Variants in DGKB observed in about 807,000 individuals in gnomAD.
The protein encoded by DGKB is 90 kDa diacylglycerol kinase.
DGKB carries 67 observed loss-of-function variants against 114.3 expected under a neutral mutation model. That is an observed-to-expected ratio of 0.59 (90% CI 0.48 to 0.72). DGKB has a LOEUF of 0.72. Ranked by LOEUF, DGKB falls within the 30% of genes least tolerant of loss-of-function variation. DGKB has a pLI of 0.00. For synonymous variants in DGKB, 398 were observed against 323.1 expected (o/e 1.23, Z -2.49); for missense variants, 907 against 975.2 (o/e 0.93, Z 0.93).
intron 23 of DGKB, among the ~76,000 whole-genome samples, chr7:14,218,403 A>C (rs2128318850): frequency 6.6e-6 from 1 of 152,246 alleles, no homozygotes; most frequent in South Asian, 2.1e-4. Context: ...AAAAGCATTC[A>C]ATAGTTAAAT....
chr7:14,372,513 A>C lies in DGKB; in HGVS notation c.1836-27122T>G, dbSNP rs578026557. 2.6e-5 allele frequency among the ~76,000 whole-genome samples: 4 copies of C among 152,246 alleles called. No individual in the cohort carries two copies. The South Asian group carries it at 8.3e-4, about 32-fold the overall frequency. ...CACTTGTGACAACAAGTAGCTGACA[A>C]GTGAAAGAAACACATGGCAAAGTAC... On this transcript the variant is annotated intron_variant, in intron 21 of 25. Coordinates refer to ENST00000402815, the MANE Select transcript of DGKB (RefSeq NM_001350709.2).
intron 1 of DGKB, among the ~76,000 whole-genome samples, chr7:14,852,895 CA>C (rs1849599483): frequency 6.6e-6 from 1 of 152,110 alleles, no homozygotes; most frequent in Non-Finnish European, 1.5e-5. Context: ...ACTCCTTTCC[CA>C]AGGACACTAT....
At chr7:14,693,780 T>C (rs768037829) in intron 9 of DGKB, among the ~76,000 whole-genome samples, 5 of 151,896 alleles carry the variant, frequency 3.3e-5, no homozygotes, top group Non-Finnish European at 7.4e-5. Flanking sequence ...TTAGATAATA[T>C]GAGGAGGTCA....
At chr7:14,942,520 T>C (rs2128255335) in intron 1 of DGKB, among the ~76,000 whole-genome samples, 1 of 152,148 alleles carries the variant, frequency 6.6e-6, no homozygotes, top group East Asian at 1.9e-4. Flanking sequence ...GTCTCCTCAT[T>C]TGTGGCTTAA....
chr7:14,862,384 G>A (rs183917877), intron 1 of DGKB, among the ~76,000 whole-genome samples: 257 of 152,098 alleles, frequency 1.7e-3, no homozygotes, highest in African/African-American at 5.7e-3. Context: ...TTACCATGCT[G>A]TACACTACAA....
At chr7:14,182,028 C>T (rs1782700267) in intron 23 of DGKB, among the ~76,000 whole-genome samples, 1 of 152,124 alleles carries the variant, frequency 6.6e-6, no homozygotes, top group Non-Finnish European at 1.5e-5. Flanking sequence ...TTTATTTTCA[C>T]TAACATGTAA....
intron 1 of DGKB, among the ~76,000 whole-genome samples, chr7:14,900,817 A>T (rs75466322): frequency 0.023 from 3,480 of 152,242 alleles, 143 homozygotes; most frequent in African/African-American, 0.079. Flanking sequence ...ATTTAAAAAA[A>T]TTTTGTCAAA....
intron 1 of DGKB, among the ~76,000 whole-genome samples, chr7:14,848,529 A>C (rs1848938773): frequency 6.6e-6 from 1 of 152,240 alleles, no homozygotes; most frequent in Non-Finnish European, 1.5e-5. Flanking sequence ...TTTTCTATAT[A>C]GATGATATTT....
At chr7:14,395,356 C>G (rs1049457606) in intron 21 of DGKB, among the ~76,000 whole-genome samples, 7 of 151,908 alleles carry the variant, frequency 4.6e-5, no homozygotes, top group Admixed American at 1.3e-4. Context: ...TAATCTCTTC[C>G]AAGCCATTTT....
chr7:14,392,995 G>GTTTTTGTTTTTTGTTTTTTTT, intron 21 of DGKB, among the ~76,000 whole-genome samples: 18 of 60,546 alleles, frequency 3.0e-4, no homozygotes, highest in African/African-American at 8.2e-4. Flanking sequence ...TTTTGTTTTT[G>GTTTTTGTTTTTTGTTTTTTTT]TTTTTTTTTT....
chr7:14,468,295 TTA>T (rs1780776880), intron 21 of DGKB, among the ~76,000 whole-genome samples: 2 of 152,072 alleles, frequency 1.3e-5, no homozygotes, highest in African/African-American at 4.8e-5. Flanking sequence ...CATTGTCTAA[TTA>T]GTTTAGAGGG....
intron 21 of DGKB, among the ~76,000 whole-genome samples, chr7:14,403,407 G>A (rs1214687850): frequency 6.6e-6 from 1 of 151,750 alleles, no homozygotes; most frequent in Non-Finnish European, 1.5e-5. Flanking sequence ...GCTTTCCCTA[G>A]CAAACCATAA....
chr7:14,966,753 T>G (rs996856643), intron 1 of DGKB, among the ~76,000 whole-genome samples: 4 of 152,176 alleles, frequency 2.6e-5, no homozygotes, highest in Non-Finnish European at 5.9e-5. Context: ...ATTTTTAATT[T>G]TCTTTCCTTT....
chr7:14,579,480 CAGG>C (rs990597155), intron 19 of DGKB, among the ~76,000 whole-genome samples: 9 of 152,176 alleles, frequency 5.9e-5, no homozygotes, highest in African/African-American at 2.2e-4. Flanking sequence ...ATATATGTTC[CAGG>C]AGAACATGGC....
chr7:14,799,117 T>A (rs558935595), intron 2 of DGKB, among the ~76,000 whole-genome samples: 14 of 152,302 alleles, frequency 9.2e-5, no homozygotes, highest in African/African-American at 3.4e-4. Flanking sequence ...AGGTGGTTAC[T>A]CCAATTGAAA....
Position 14,813,893 on chromosome 7 carries a change from T to A in DGKB, c.70+27301A>T, listed in dbSNP as rs566768619. Among the ~76,000 whole-genome samples, 4 of 152,324 alleles carry A rather than the reference T, an allele frequency of 2.6e-5. No individual in the cohort carries two copies. The East Asian group carries it at 7.7e-4, about 29-fold the overall frequency. Reference sequence around the variant, plus strand: ...TATTTGCTTGTGTTTTTATATTATGTGTTTGCTTTTGATGAACAATTTTGA... The same window carrying A: ...TATTTGCTTGTGTTTTTATATTATGAGTTTGCTTTTGATGAACAATTTTGA... On this transcript the variant is annotated intron_variant, in intron 2 of 25. Coordinates refer to ENST00000402815, the MANE Select transcript of DGKB (RefSeq NM_001350709.2).
At chr7:14,832,601 T>C (rs1031822075) in intron 2 of DGKB, among the ~76,000 whole-genome samples, 1 of 152,126 alleles carries the variant, frequency 6.6e-6, no homozygotes, top group African/African-American at 2.4e-5. Context: ...TTATCTCAAG[T>C]TCAATCTCAT....
chr7:14,461,506 G>T (rs950393082), intron 21 of DGKB, among the ~76,000 whole-genome samples: 2 of 152,098 alleles, frequency 1.3e-5, no homozygotes, highest in Non-Finnish European at 2.9e-5. Context: ...AAATCTAGAA[G>T]AAACGGATAA....
At chr7:14,443,712 T>C (rs1830370560) in intron 21 of DGKB, among the ~76,000 whole-genome samples, 2 of 152,116 alleles carry the variant, frequency 1.3e-5, no homozygotes, top group Non-Finnish European at 2.9e-5. Context: ...GTAGCTTTAC[T>C]AAGACAAATT....
Sources: allele counts gnomAD v4.1 joint callset (sites outside exome capture counted in the v4.1 genomes callset), GRCh38; gene constraint gnomAD v4.1.1; transcripts MANE v1.5; gene names NCBI Gene and HGNC (gene_info 2026-07-23, HGNC 2026-07-21).